The following SPRED2 variants were observed in gnomAD, a reference collection of about 807,000 sequenced individuals.
SPRED2 encodes the protein sprouty related EVH1 domain containing 2.
A neutral mutation model predicts 43.0 loss-of-function variants in SPRED2; 47 were observed. That is an observed-to-expected ratio of 1.09 (90% CI 0.87 to 1.40). SPRED2 has a LOEUF of 1.40. Among genes scored for constraint, SPRED2 ranks in the 40% most tolerant of loss-of-function variants. SPRED2 has a pLI of 0.00. For missense variants in SPRED2, 561 were observed against 586.4 expected, an observed-to-expected ratio of 0.96 and a Z score of 0.45; for synonymous variants, 225 against 225.7, an observed-to-expected ratio of 1.00 and a Z score of 0.03.
At chr2:65,406,717 T>C (rs1676031322) in intron 1 of SPRED2, among the ~76,000 whole-genome samples, 2 of 152,308 alleles carry the variant, frequency 1.3e-5, no homozygotes, top group East Asian at 1.9e-4. Flanking sequence ...AGGCTAAAAA[T>C]AGTAACATCG....
intron 4 of SPRED2, among the ~76,000 whole-genome samples, chr2:65,326,762 C>G (rs1238185660): frequency 6.6e-6 from 1 of 152,170 alleles, no homozygotes; most frequent in East Asian, 1.9e-4. Context: ...CCTCGGCCTC[C>G]CAAAGTGTTG....
chr2:65,317,442 A>G (rs1042786574), intron 4 of SPRED2, among the ~76,000 whole-genome samples: 3 of 152,000 alleles, frequency 2.0e-5, no homozygotes, highest in East Asian at 1.9e-4. Flanking sequence ...GAACCCGGGA[A>G]GCGGAGGCTG....
chr2:65,362,630 G>A, intron 1 of SPRED2, among the ~76,000 whole-genome samples: 1 of 152,050 alleles, frequency 6.6e-6, no homozygotes, highest in Non-Finnish European at 1.5e-5. Flanking sequence ...AGGCCAAGGT[G>A]GGTGGATAAC....
intron 2 of SPRED2, among the ~76,000 whole-genome samples, chr2:65,335,202 T>C (rs1348868153): frequency 2.0e-5 from 3 of 152,196 alleles, no homozygotes; most frequent in Non-Finnish European, 4.4e-5. Context: ...TCTCCCAACT[T>C]CTGGCAATAC....
intron 4 of SPRED2, among the ~76,000 whole-genome samples, chr2:65,327,479 T>C (rs1210955959): frequency 6.6e-6 from 1 of 152,164 alleles, no homozygotes; most frequent in Non-Finnish European, 1.5e-5. Context: ...TTAGCCACTA[T>C]AGGTATTACA....
chr2:65,347,608 T>A (rs1674390682), intron 1 of SPRED2, among the ~76,000 whole-genome samples: 1 of 152,178 alleles, frequency 6.6e-6, no homozygotes. Flanking sequence ...CCTGTAACTG[T>A]GGTTAAGCCA....
chr2:65,430,695 G>C (rs1046084691), intron 1 of SPRED2, among the ~76,000 whole-genome samples: 2 of 151,940 alleles, frequency 1.3e-5, no homozygotes, highest in Admixed American at 6.5e-5. Flanking sequence ...CCTCCCTCCA[G>C]GGCGCGTCCC....
At chr2:65,356,248 G>C (rs1406633703) in intron 1 of SPRED2, among the ~76,000 whole-genome samples, 1 of 152,100 alleles carries the variant, frequency 6.6e-6, no homozygotes, top group East Asian at 1.9e-4. Context: ...AAAAAAACAT[G>C]GAATCATGGA....
intron 2 of SPRED2, among the ~76,000 whole-genome samples, chr2:65,339,356 C>T (rs527807206): frequency 2.0e-5 from 3 of 151,848 alleles, no homozygotes; most frequent in Non-Finnish European, 4.4e-5. Flanking sequence ...TAGACATGGG[C>T]GACTTTTCAT....
chr2:65,374,078 TA>T lies in SPRED2; in HGVS notation c.27-29183del, dbSNP rs569212770. 28 of 152,370 alleles carry T rather than the reference TA, an allele frequency of 1.8e-4. No homozygotes were observed. The East Asian group carries it at 5.2e-3, about 28-fold the overall frequency. The allele number at this position is 152,370 out of a possible 1,614,324, so 9.4% of individuals were successfully genotyped here. A position where few individuals can be genotyped will look rare whatever the true frequency, so the allele number is the denominator to read the frequency against. ...GTACTTTTCGCCACTGAGATCCATT[TA>T]AAAAATTACTGGAAAATAACATTCC... On this transcript the variant is annotated intron_variant, in intron 1 of 5. Transcript: ENST00000356388.
At chr2:65,398,174 T>C (rs533350169) in intron 1 of SPRED2, among the ~76,000 whole-genome samples, 2 of 152,350 alleles carry the variant, frequency 1.3e-5, no homozygotes, top group South Asian at 4.1e-4. Flanking sequence ...ACTGGGATAA[T>C]TGGCAAGCCA....
At chr2:65,407,882 G>C (rs1484165723) in intron 1 of SPRED2, among the ~76,000 whole-genome samples, 1 of 152,092 alleles carries the variant, frequency 6.6e-6, no homozygotes, top group Non-Finnish European at 1.5e-5. Flanking sequence ...TTACTTCTCA[G>C]AACAAACAAC....
chr2:65,406,930 T>TC, intron 1 of SPRED2, among the ~76,000 whole-genome samples: 1 of 148,086 alleles, frequency 6.8e-6, no homozygotes, highest in Non-Finnish European at 1.5e-5. Flanking sequence ...GTTTAGTCTC[T>TC]CTTTTTTTTT....
rs565227648 is a variant in SPRED2 at position 65,371,498 on chromosome 2, G to C, written c.27-26602C>G. On this transcript the variant is annotated intron_variant, in intron 1 of 5. Transcript: ENST00000356388. ...AGAAATGTCTATGTTAAATACTGAT[G>C]AGAATGATGAAGGCTGGTCAAGGAG... Among the ~76,000 whole-genome samples the C allele has an allele frequency of 2.4e-4, 36 of 152,312 alleles. 1 individual carries two copies. The South Asian group carries it at 7.5e-3, about 32-fold the overall frequency.
Position 65,313,362 on chromosome 2 carries a change from C to A in SPRED2, c.*139G>T. 6.7e-7 allele frequency: 1 copy of A among 1,492,214 alleles called. No homozygotes were observed. The highest frequency in any genetic ancestry group is 8.8e-7 in the Non-Finnish European group (1 of 1,130,204). The allele number at this position is 1,492,214 out of a possible 1,614,324, so 92.4% of individuals were successfully genotyped here. ...GGCAGCGTCCCTGGCTGGAATGGTG[C>A]CTCGAGGTACCAGGGAGCTGGGAGG... On this transcript the variant is annotated 3_prime_UTR_variant, in exon 6 of 6. Transcript: ENST00000356388.
chr2:65,308,905 C>T (rs1020695171), downstream of SPRED2, among the ~76,000 whole-genome samples: 1 of 152,186 alleles, frequency 6.6e-6, no homozygotes, highest in Non-Finnish European at 1.5e-5. Flanking sequence ...GTAATCCCAA[C>T]ACTTTGGGAG....
intron 1 of SPRED2, among the ~76,000 whole-genome samples, chr2:65,372,536 A>G (rs1675150457): frequency 6.6e-6 from 1 of 152,160 alleles, no homozygotes. Flanking sequence ...AAAGCCTGGC[A>G]AAAGAGTGTT....
At chr2:65,339,826 T>C (rs967081639) in intron 2 of SPRED2, among the ~76,000 whole-genome samples, 2 of 151,934 alleles carry the variant, frequency 1.3e-5, no homozygotes, top group Non-Finnish European at 1.5e-5. Flanking sequence ...TTCCACATGG[T>C]TGAGTTTTAG....
intron 1 of SPRED2, among the ~76,000 whole-genome samples, chr2:65,424,283 C>A (rs185571008): frequency 5.3e-5 from 8 of 152,112 alleles, no homozygotes; most frequent in Admixed American, 3.9e-4. Flanking sequence ...AAAAGCAACT[C>A]AAAGTCTTTT....
Sources: gnomAD v4.1 joint callset for allele counts (sites outside exome capture counted in the v4.1 genomes callset) on GRCh38, gnomAD v4.1.1 for gene constraint, MANE v1.5 for transcripts, NCBI Gene and HGNC (gene_info 2026-07-23, HGNC 2026-07-21) for gene names.